Variants in OTUD5 observed in about 807,000 individuals in gnomAD.
OTUD5 encodes the protein OTU domain-containing protein 5.
A neutral mutation model predicts 36.3 loss-of-function variants in OTUD5; 2 were observed. That is an observed-to-expected ratio of 0.06 (90% confidence interval 0.02 to 0.17). OTUD5 has a LOEUF of 0.17. Ranked by LOEUF, OTUD5 falls within the 10% of genes least tolerant of loss-of-function variation. The pLI is 1.00. For synonymous variants in OTUD5, 234 were observed against 214.9 expected, an observed-to-expected ratio of 1.09 and a Z score of -0.78; for missense variants, 233 against 512.3, an observed-to-expected ratio of 0.45 and a Z score of 5.26.
At chrX:48,942,202 G>A (rs1379507182) in intron 2 of OTUD5, among the ~76,000 whole-genome samples, 2 of 95,138 alleles carry the variant, frequency 2.1e-5, no homozygotes, top group African/African-American at 3.9e-5. Flanking sequence ...CCCAAGGGTC[G>A]GGGGTATTTG....
intron 2 of OTUD5, chrX:48,939,999 G>A (rs190754745): frequency 1.6e-3 from 182 of 114,396 alleles, no homozygotes; most frequent in African/African-American, 5.5e-3. Context: ...CACAGCTGCA[G>A]AGGGAGACAG....
chrX:48,949,241 T>C (rs1049438340), intron 1 of OTUD5, among the ~76,000 whole-genome samples: 2 of 111,741 alleles, frequency 1.8e-5, no homozygotes, highest in Non-Finnish European at 3.8e-5. Context: ...AACTTGTAAA[T>C]GTTACCTTAT....
intron 2 of OTUD5, 29 bp downstream of exon 2, chrX:48,944,160 AG>A (rs782307788): frequency 9.5e-7 from 1 of 1,054,508 alleles, no homozygotes; most frequent in Admixed American, 2.2e-5. Flanking sequence ...GGGCAGCCCT[AG>A]GCCCTTAAGG....
intron 2 of OTUD5, among the ~76,000 whole-genome samples, chrX:48,942,285 A>ACAC: frequency 1.1e-5 from 1 of 87,095 alleles, no homozygotes; most frequent in African/African-American, 4.6e-5. Flanking sequence ...ACACACAGAG[A>ACAC]ACAGCTAGCT....
At chrX:48,945,406 G>A (rs942089681) in intron 1 of OTUD5, among the ~76,000 whole-genome samples, 1 of 108,455 alleles carries the variant, frequency 9.2e-6, no homozygotes. Context: ...GACTAGCTGG[G>A]ACTACAGGCG....
intron 1 of OTUD5, among the ~76,000 whole-genome samples, chrX:48,953,812 G>A (rs1328719937): frequency 9.0e-6 from 1 of 111,295 alleles, no homozygotes; most frequent in Non-Finnish European, 1.9e-5. Context: ...GGATACAAGA[G>A]AATCAGGACA....
chrX:48,944,417 TG>T lies in OTUD5; in HGVS notation c.595-135del. The T allele has an allele frequency of 3.0e-5, 14 of 468,374 alleles. No homozygotes were observed. The South Asian group carries it at 4.2e-4, about 14-fold the overall frequency. The allele number at this position is 468,374 out of a possible 1,213,427, so 38.6% of individuals were successfully genotyped here. A position where few individuals can be genotyped will look rare whatever the true frequency, so the allele number is the denominator to read the frequency against. ...CCAAGGTAAAGTTCTCAGCCCTGTT[TG>T]ACCACTCCATGCATGTGAAGTAGGA... is the stretch of plus-strand genomic sequence containing the variant. On this transcript the variant is annotated intron_variant, in intron 1 of 8. Transcript: ENST00000376488.
At chrX:48,944,049 G>T in intron 2 of OTUD5, 141 bp downstream of exon 2, 1 of 437,811 alleles carries the variant, frequency 2.3e-6, no homozygotes, top group Non-Finnish European at 4.0e-6. Context: ...CTAGAGGTCA[G>T]ATACCAACTT....
At chrX:48,932,795 T>G (rs906111970) in intron 5 of OTUD5, among the ~76,000 whole-genome samples, 1 of 111,154 alleles carries the variant, frequency 9.0e-6, no homozygotes, top group Non-Finnish European at 1.9e-5. Context: ...AAAAAAAATT[T>G]TTTTTCATTT....
intron 5 of OTUD5, among the ~76,000 whole-genome samples, chrX:48,929,100 T>C (rs781949515): frequency 1.8e-5 from 2 of 110,982 alleles, no homozygotes; most frequent in Admixed American, 9.6e-5. Flanking sequence ...AAAAAAAAAT[T>C]AGGAAGGCTG....
At chrX:48,932,548 C>T (rs1375714583) in intron 5 of OTUD5, among the ~76,000 whole-genome samples, 6 of 110,391 alleles carry the variant, frequency 5.4e-5, no homozygotes, top group Non-Finnish European at 1.1e-4. Context: ...AGGCTGGTCT[C>T]GAACTCCTGA....
intron 1 of OTUD5, among the ~76,000 whole-genome samples, chrX:48,947,363 C>T (rs911656954): frequency 3.7e-5 from 4 of 109,116 alleles, no homozygotes; most frequent in South Asian, 4.0e-4. Flanking sequence ...CTAGCCTAGG[C>T]GACAGAGTGA....
chrX:48,945,970 C>T (rs782388235), intron 1 of OTUD5, among the ~76,000 whole-genome samples: 1 of 111,479 alleles, frequency 9.0e-6, no homozygotes, highest in Non-Finnish European at 1.9e-5. Context: ...AAGCAGCCAG[C>T]CTGACCTAGC....
At chrX:48,952,887 G>A (rs782721453) in intron 1 of OTUD5, among the ~76,000 whole-genome samples, 1 of 112,104 alleles carries the variant, frequency 8.9e-6, no homozygotes, top group East Asian at 2.8e-4. Flanking sequence ...AAGGGCCTTT[G>A]CTATCAAAGA....
intron 1 of OTUD5, 44 bp from the exon 2 acceptor site, chrX:48,944,327 TC>T: frequency 1.1e-6 from 1 of 913,291 alleles, no homozygotes; most frequent in Non-Finnish European, 1.6e-6. Flanking sequence ...AAACCTGTAC[TC>T]CCTCCCCAGG....
intron 5 of OTUD5, 83 bp downstream of exon 5, chrX:48,934,381 G>GT: frequency 1.4e-6 from 1 of 730,274 alleles, no homozygotes; most frequent in Non-Finnish European, 2.0e-6. Context: ...GGATATTTTT[G>GT]TGAGTTAGGG....
upstream of OTUD5, chrX:48,957,783 C>A (rs1198648204): frequency 1.3e-6 from 1 of 788,025 alleles, no homozygotes; most frequent in South Asian, 5.9e-5. Context: ...GAGAGGAGAA[C>A]CCGGATGTAA....
At chrX:48,934,653 G>A (rs1557049495) in intron 4 of OTUD5, 41 bp from the exon 5 acceptor site, 1 of 1,208,393 alleles carries the variant, frequency 8.3e-7, no homozygotes, top group Admixed American at 2.2e-5. Context: ...CAGCAGGCCA[G>A]GTTGGGCAGG....
At chrX:48,940,467 T>C (rs1158105970) in intron 2 of OTUD5, 1 of 112,913 alleles carries the variant, frequency 8.9e-6, no homozygotes, top group Non-Finnish European at 1.9e-5. Flanking sequence ...CTCAGATCCA[T>C]CCCTCCTAGT....
Sources: allele counts gnomAD v4.1 joint callset (sites outside exome capture counted in the v4.1 genomes callset), GRCh38; gene constraint gnomAD v4.1.1; transcripts MANE v1.5; gene names NCBI Gene and HGNC (gene_info 2026-07-23, HGNC 2026-07-21).